The following TBL1XR1 variants were observed in gnomAD, a reference collection of about 807,000 sequenced individuals.
The protein encoded by TBL1XR1 is F-box-like/WD repeat-containing protein TBL1XR1.
A neutral mutation model predicts 66.9 loss-of-function variants in TBL1XR1; 5 were observed. The ratio of observed to expected loss-of-function variants is 0.07; its 90% CI spans 0.04 to 0.16. TBL1XR1 has a LOEUF of 0.16. TBL1XR1 is among the 10% of genes least tolerant of loss of function. The pLI is 1.00. For synonymous variants in TBL1XR1, 210 were observed against 206.0 expected (o/e 1.02, Z -0.17); for missense variants, 238 against 623.2 (o/e 0.38, Z 6.58).
Position 177,022,066 on chromosome 3 carries a change from A to G in TBL1XR1, c.*3432T>C, listed in dbSNP as rs542036087. ...CTTAACAAAATCATTCTACATAAAC[A>G]GATAGCTCCTTAAAAATAGTACTCT... On this transcript the variant is annotated 3_prime_UTR_variant, in exon 16 of 16. Transcript: ENST00000457928. 2 of 152,678 alleles carry G rather than the reference A, an allele frequency of 1.3e-5. No homozygotes were observed. Among genetic ancestry groups the G allele is most frequent in the Admixed American group, 1.3e-4 (2 of 15,282 alleles). The allele number at this position is 152,678 out of a possible 1,614,324, so 9.5% of individuals were successfully genotyped here.
At chr3:177,188,152 G>A (rs1158875265) in intron 1 of TBL1XR1, among the ~76,000 whole-genome samples, 2 of 151,724 alleles carry the variant, frequency 1.3e-5, no homozygotes, top group African/African-American at 4.8e-5. Context: ...GGCTGGTCTC[G>A]AACTCCTGAC....
At chr3:177,067,747 CAACTT>C (rs904372561) in intron 2 of TBL1XR1, among the ~76,000 whole-genome samples, 1 of 151,952 alleles carries the variant, frequency 6.6e-6, no homozygotes, top group Non-Finnish European at 1.5e-5. Flanking sequence ...ACTTCTAAAA[CAACTT>C]AAAAGCCTAT....
chr3:177,155,910 G>T (rs1381038221), intron 1 of TBL1XR1, among the ~76,000 whole-genome samples: 1 of 151,940 alleles, frequency 6.6e-6, no homozygotes, highest in Non-Finnish European at 1.5e-5. Flanking sequence ...TCGGGAGGCT[G>T]AGGCACAGGA....
intron 2 of TBL1XR1, chr3:177,078,925 G>C (rs1721042676): frequency 6.6e-6 from 1 of 152,064 alleles, no homozygotes; most frequent in Non-Finnish European, 1.5e-5. Flanking sequence ...CTCCAGCCTG[G>C]GCAACGGAGT....
chr3:177,156,592 A>ATAT lies in TBL1XR1; in HGVS notation c.-122+40528_-122+40529insATA, dbSNP rs1560239392. ...ACATACATTTATATATATATATATA[A>ATAT]AATTCTGACAAAACACTTGTGTCTG... On this transcript the variant is annotated intron_variant, in intron 1 of 15. Transcript: ENST00000457928. Among the ~76,000 whole-genome samples, 118 of 149,068 alleles carry ATAT rather than the reference A, an allele frequency of 7.9e-4. 1 individual carries two copies. Among genetic ancestry groups the ATAT allele is most frequent in the Middle Eastern group, 7.2e-3 (2 of 276 alleles).
intron 2 of TBL1XR1, among the ~76,000 whole-genome samples, chr3:177,096,689 T>C (rs112037123): frequency 1.4e-4 from 22 of 152,212 alleles, no homozygotes; most frequent in African/African-American, 5.3e-4. Flanking sequence ...GAGCAGATAC[T>C]CCAAATACCA....
chr3:177,054,049 T>C (rs1577036196), intron 3 of TBL1XR1, 131 bp from the exon 4 acceptor site: 1 of 106,876 alleles, frequency 9.4e-6, no homozygotes, highest in Non-Finnish European at 1.7e-5. Context: ...GAAGGTCGTG[T>C]GTGTGTGTGT....
intron 1 of TBL1XR1, among the ~76,000 whole-genome samples, chr3:177,124,581 G>A (rs1727381940): frequency 6.6e-6 from 1 of 151,976 alleles, no homozygotes; most frequent in Non-Finnish European, 1.5e-5. Flanking sequence ...TCAGCTACTG[G>A]AAGGCCTTTC....
intron 1 of TBL1XR1, among the ~76,000 whole-genome samples, chr3:177,196,109 A>C (rs1438130218): frequency 6.6e-6 from 1 of 152,232 alleles, no homozygotes; most frequent in Non-Finnish European, 1.5e-5. Context: ...TGCCACTGCG[A>C]AGTGATGCCT....
intron 1 of TBL1XR1, among the ~76,000 whole-genome samples, chr3:177,160,019 A>G (rs1227617445): frequency 1.3e-5 from 2 of 152,234 alleles, no homozygotes; most frequent in African/African-American, 4.8e-5. Flanking sequence ...CTAGACAGCT[A>G]GATTTGCATG....
At chr3:177,149,673 G>A in intron 1 of TBL1XR1, among the ~76,000 whole-genome samples, 1 of 152,096 alleles carries the variant, frequency 6.6e-6, no homozygotes, top group African/African-American at 2.4e-5. Context: ...GCTTTCGTAT[G>A]GCCCATAAGC....
chr3:177,146,185 C>CAATTCTG (rs1239283243), intron 1 of TBL1XR1, among the ~76,000 whole-genome samples: 2 of 152,276 alleles, frequency 1.3e-5, no homozygotes, highest in African/African-American at 4.8e-5. Context: ...TCTATCTCTA[C>CAATTCTG]AAACAGAATT....
intron 1 of TBL1XR1, among the ~76,000 whole-genome samples, chr3:177,174,624 G>A (rs1213948739): frequency 1.3e-5 from 2 of 152,062 alleles, no homozygotes; most frequent in African/African-American, 4.8e-5. Flanking sequence ...CGGATGCTTA[G>A]CTCTTTTCAA....
At position 177,052,507 on chromosome 3, in the gene TBL1XR1, G is replaced by A. The variant is rs548522067; in HGVS notation, c.205-781C>T. Among the ~76,000 whole-genome samples the A allele has an allele frequency of 3.3e-5, 5 of 152,276 alleles. No individual in the cohort carries two copies. In the South Asian group the frequency reaches 8.3e-4, roughly 25 times the overall value. ...GTAATGTAATATTTCAGGAACAGGA[G>A]AAAGTATTTTAACTTATAAATAATT... On this transcript the variant is annotated intron_variant, in intron 4 of 15. Transcript: ENST00000457928.
At chr3:177,065,095 A>G (rs1349531232) in intron 2 of TBL1XR1, 73 bp from the exon 3 acceptor site, 2 of 999,346 alleles carry the variant, frequency 2.0e-6, no homozygotes, top group Non-Finnish European at 2.7e-6. Flanking sequence ...TGTTGTAAAA[A>G]CCATTTGATT....
At chr3:177,128,119 T>A (rs991350935) in intron 1 of TBL1XR1, among the ~76,000 whole-genome samples, 1 of 151,918 alleles carries the variant, frequency 6.6e-6, no homozygotes, top group African/African-American at 2.4e-5. Context: ...CTCGGGAGGC[T>A]GAGGCAGGAG....
intron 12 of TBL1XR1, among the ~76,000 whole-genome samples, chr3:177,035,174 T>A (rs1714594763): frequency 6.6e-6 from 1 of 152,194 alleles, no homozygotes; most frequent in African/African-American, 2.4e-5. Context: ...TCAGAACTGA[T>A]TTCATTAGAC....
intron 1 of TBL1XR1, among the ~76,000 whole-genome samples, chr3:177,106,390 C>T (rs560675646): frequency 2.2e-4 from 33 of 152,318 alleles, no homozygotes; most frequent in African/African-American, 7.7e-4. Flanking sequence ...ACGTGCGCCC[C>T]ATCCCTTTCT....
chr3:177,080,099 G>A (rs1266405700), intron 2 of TBL1XR1, among the ~76,000 whole-genome samples: 1 of 152,110 alleles, frequency 6.6e-6, no homozygotes. Context: ...CAGCAGTAGG[G>A]AACAAGGTTG....
Sources: allele counts gnomAD v4.1 joint callset (sites outside exome capture counted in the v4.1 genomes callset), GRCh38; gene constraint gnomAD v4.1.1; transcripts MANE v1.5; gene names NCBI Gene and HGNC (gene_info 2026-07-23, HGNC 2026-07-21).